The following KIAA1671 variants were observed in gnomAD, a reference collection of about 807,000 sequenced individuals.
KIAA1671 encodes KIAA1671.
Under a neutral mutation model 131.2 loss-of-function variants are expected in KIAA1671, and 52 were observed. That is an observed-to-expected ratio of 0.40 (90% CI 0.32 to 0.50). KIAA1671 has a LOEUF of 0.50. KIAA1671 is among the 20% of genes least tolerant of loss of function. The probability of loss-of-function intolerance (pLI) is 0.73; values close to 1 mark genes in which losing one functional copy is unlikely to be tolerated. For missense variants in KIAA1671, 2,360 were observed against 2,364.2 expected (o/e 1.00, Z 0.04); for synonymous variants, 1,003 against 961.6 (o/e 1.04, Z -0.80).
intron 1 of KIAA1671, among the ~76,000 whole-genome samples, chr22:24,974,685 C>CTTTTTTTT (rs34171375): frequency 9.8e-5 from 8 of 81,272 alleles, no homozygotes; most frequent in Admixed American, 1.6e-4. Flanking sequence ...CAGCTCACCT[C>CTTTTTTTT]TTTTTTTTTT....
At chr22:24,994,043 T>C (rs1312138645) in intron 1 of KIAA1671, among the ~76,000 whole-genome samples, 3 of 151,620 alleles carry the variant, frequency 2.0e-5, no homozygotes, top group Non-Finnish European at 4.4e-5. Context: ...ATCACGCCAT[T>C]GCACTCCAAC....
At chr22:25,020,675 G>A (rs907020929) in intron 1 of KIAA1671, among the ~76,000 whole-genome samples, 2 of 152,192 alleles carry the variant, frequency 1.3e-5, no homozygotes, top group African/African-American at 4.8e-5. Flanking sequence ...CCCCACTCAT[G>A]GAGCATTAGA....
At chr22:25,125,508 A>G (rs948951739) in intron 6 of KIAA1671, among the ~76,000 whole-genome samples, 7 of 152,068 alleles carry the variant, frequency 4.6e-5, no homozygotes, top group Admixed American at 1.3e-4. Context: ...AAGTGGATTG[A>G]GAGATTTGGG....
In KIAA1671 at chr22:25,185,116, A is replaced by T. The variant is rs1303177485; in HGVS notation, c.5339A>T (p.Glu1780Val). 1.9e-6 allele frequency: 3 copies of T among 1,548,964 alleles called. No individual in the cohort carries two copies. In the South Asian group the frequency reaches 3.6e-5, roughly 18 times the overall value. ...CTGCCTTCCAGCATGGACAAGGATG[A>T]GAGGTGAGGGGTCTTGGGGAATGGG... ...RVLPSSMDKDERSDEPSPQWL... is the reference protein window; with the variant it reads ...RVLPSSMDKDVRSDEPSPQWL... Residue 1780 changes from glutamate (E) to valine (V), a missense_variant, in exon 11 of 13, where the codon GAG becomes GTG. Coordinates refer to ENST00000358431, the MANE Select transcript of KIAA1671 (RefSeq NM_001145206.2).
chr22:25,168,282 G>T (rs191104301), intron 6 of KIAA1671, among the ~76,000 whole-genome samples: 3 of 152,370 alleles, frequency 2.0e-5, no homozygotes, highest in African/African-American at 7.2e-5. Context: ...TAGAGCCTGC[G>T]TCTGTGCCGT....
At chr22:25,049,045 T>C (rs1417854276) in intron 5 of KIAA1671, 185 bp from the exon 6 acceptor site, 3 of 670,746 alleles carry the variant, frequency 4.5e-6, no homozygotes, top group African/African-American at 1.8e-5. Flanking sequence ...TGGCTGAGGC[T>C]GGGCCACTGG....
intron 1 of KIAA1671, among the ~76,000 whole-genome samples, chr22:25,018,492 A>G (rs1022676988): frequency 6.6e-6 from 1 of 152,014 alleles, no homozygotes; most frequent in East Asian, 1.9e-4. Context: ...TTGTGTGACC[A>G]TCATCACCAT....
intron 1 of KIAA1671, among the ~76,000 whole-genome samples, chr22:24,969,586 A>G (rs758029620): frequency 1.2e-4 from 18 of 152,238 alleles, no homozygotes; most frequent in Non-Finnish European, 2.2e-4. Context: ...CAGATAAATA[A>G]AAAGGAGATA....
chr22:25,129,432 G>A (rs1314078341), intron 6 of KIAA1671, among the ~76,000 whole-genome samples: 2 of 151,766 alleles, frequency 1.3e-5, no homozygotes, highest in African/African-American at 4.8e-5. Context: ...ACTTGAACCC[G>A]GGAGGCAGAG....
At chr22:25,010,052 C>T (rs2123875152) in intron 1 of KIAA1671, 1 of 152,374 alleles carries the variant, frequency 6.6e-6, no homozygotes, top group South Asian at 2.1e-4. Context: ...GAATTACTGC[C>T]TCCCCAGATT....
rs924202391 is a variant in KIAA1671, at chr22:25,074,593, G to GTATATA, written c.4530+25237_4530+25242dup. 2.3e-3 allele frequency among the ~76,000 whole-genome samples: 350 copies of GTATATA among 149,626 alleles called. 1 individual carries two copies. The highest frequency in any genetic ancestry group is 7.4e-3 in the African/African-American group (299 of 40,588). On this transcript the variant is annotated intron_variant, in intron 6 of 12. Transcript: ENST00000358431. The stretch of plus-strand genomic sequence containing the variant: ...TATATGCATATGTGTGTGTGTGCGT[G>GTATATA]TATATATATATATGGAAACATGTGT...
At chr22:25,184,880 T>A in intron 10 of KIAA1671, 97 bp from the exon 11 acceptor site, 2 of 1,435,298 alleles carry the variant, frequency 1.4e-6, no homozygotes, top group Non-Finnish European at 1.9e-6. Flanking sequence ...GGGCCCCGAG[T>A]GTTTGCAGAA....
intron 6 of KIAA1671, among the ~76,000 whole-genome samples, chr22:25,140,407 G>A (rs921359085): frequency 2.7e-5 from 4 of 150,666 alleles, no homozygotes; most frequent in African/African-American, 4.9e-5. Context: ...ACGGAGTCTC[G>A]CTCTTTCGCC....
intron 1 of KIAA1671, among the ~76,000 whole-genome samples, chr22:24,965,740 C>G (rs1220700635): frequency 2.2e-5 from 1 of 45,892 alleles, no homozygotes; most frequent in East Asian, 5.9e-4. Context: ...AACTCCATCT[C>G]AAAAAAAAAA....
intron 1 of KIAA1671, among the ~76,000 whole-genome samples, chr22:24,953,666 G>A (rs1002933933): frequency 2.6e-5 from 4 of 151,962 alleles, no homozygotes; most frequent in Non-Finnish European, 5.9e-5. Context: ...ACCCGAGCCT[G>A]ACCTTTTCAC....
intron 1 of KIAA1671, among the ~76,000 whole-genome samples, chr22:24,976,769 C>T (rs1692916809): frequency 6.6e-6 from 1 of 152,174 alleles, no homozygotes; most frequent in Non-Finnish European, 1.5e-5. Flanking sequence ...CTGCAGGAGT[C>T]TCGTGCAAGA....
At chr22:25,031,397 C>T (rs1034649740) in intron 3 of KIAA1671, among the ~76,000 whole-genome samples, 9 of 152,200 alleles carry the variant, frequency 5.9e-5, no homozygotes, top group African/African-American at 1.9e-4. Context: ...GAGGTTTCAC[C>T]GTGTTAGTCA....
intron 6 of KIAA1671, among the ~76,000 whole-genome samples, chr22:25,110,374 G>A (rs1228131054): frequency 6.6e-6 from 1 of 152,134 alleles, no homozygotes; most frequent in Non-Finnish European, 1.5e-5. Flanking sequence ...CTTGGTGTCC[G>A]AACAATAAAT....
intron 6 of KIAA1671, among the ~76,000 whole-genome samples, chr22:25,127,351 C>G (rs1378758638): frequency 9.2e-5 from 14 of 152,174 alleles, no homozygotes; most frequent in Non-Finnish European, 2.1e-4. Context: ...GTGGCACAGG[C>G]TCCACTGGTG....
Sources: gnomAD v4.1 joint callset for allele counts (sites outside exome capture counted in the v4.1 genomes callset) on GRCh38, gnomAD v4.1.1 for gene constraint, MANE v1.5 for transcripts, NCBI Gene and HGNC (gene_info 2026-07-23, HGNC 2026-07-21) for gene names.